REEP1: variants seen among roughly 807,000 people sequenced by gnomAD.
REEP1 encodes receptor expression-enhancing protein 1.
Under a neutral mutation model 40.3 loss-of-function variants are expected in REEP1, and 22 were observed. That is an observed-to-expected ratio of 0.55 (90% CI 0.39 to 0.78). REEP1 has a LOEUF of 0.78. REEP1 is among the 30% of genes least tolerant of loss of function. The probability of loss-of-function intolerance (pLI) is 0.00; values close to 1 mark genes in which losing one functional copy is unlikely to be tolerated. For missense variants in REEP1, 280 were observed against 361.1 expected, an observed-to-expected ratio of 0.78 and a Z score of 1.82; for synonymous variants, 116 against 139.2, an observed-to-expected ratio of 0.83 and a Z score of 1.17.
intron 1 of REEP1, among the ~76,000 whole-genome samples, chr2:86,312,889 C>T (rs1368475956): frequency 1.3e-5 from 2 of 152,144 alleles, no homozygotes; most frequent in Non-Finnish European, 2.9e-5. Context: ...AGGCACAGAT[C>T]CTGTGTTCCT....
intron 1 of REEP1, among the ~76,000 whole-genome samples, chr2:86,329,784 C>T (rs1680679782): frequency 6.6e-6 from 1 of 152,122 alleles, no homozygotes; most frequent in African/African-American, 2.4e-5. Flanking sequence ...ACTCATTCAC[C>T]ACCCAACACG....
intron 5 of REEP1, among the ~76,000 whole-genome samples, chr2:86,243,117 C>T (rs1053602738): frequency 2.0e-5 from 3 of 151,682 alleles, no homozygotes; most frequent in Admixed American, 1.3e-4. Context: ...CAGGTGACAG[C>T]GGAAGGTGAG....
Position 86,331,295 on chromosome 2 carries a change from T to C in REEP1, c.32+6184A>G, listed in dbSNP as rs145628848. Reference sequence around the variant, plus strand: ...GGTCACCTGCCCACCTCTGGACCAATGTCTGTGCCCAGGGAAATGCATATC... The same window carrying C: ...GGTCACCTGCCCACCTCTGGACCAACGTCTGTGCCCAGGGAAATGCATATC... On this transcript the variant is annotated intron_variant, in intron 1 of 8. Coordinates refer to ENST00000538924, the MANE Select transcript of REEP1 (RefSeq NM_001371279.1). Among the ~76,000 whole-genome samples the C allele has an allele frequency of 1.5e-3, 235 of 152,282 alleles. 2 individuals are homozygous for C. The highest frequency in any genetic ancestry group is 5.5e-3 in the African/African-American group (229 of 41,550).
At chr2:86,329,800 G>A (rs1313236498) in intron 1 of REEP1, among the ~76,000 whole-genome samples, 10 of 152,252 alleles carry the variant, frequency 6.6e-5, no homozygotes, top group Non-Finnish European at 1.0e-4. Context: ...ACACGCACTC[G>A]CTGGGCACCT....
intron 3 of REEP1, among the ~76,000 whole-genome samples, chr2:86,261,667 T>G (rs907000502): frequency 1.3e-5 from 2 of 152,146 alleles, no homozygotes; most frequent in African/African-American, 4.8e-5. Flanking sequence ...TAGTCTGAAA[T>G]ATGGCCTCAT....
intron 2 of REEP1, among the ~76,000 whole-genome samples, chr2:86,281,543 T>C (rs1193269076): frequency 6.6e-6 from 1 of 151,970 alleles, no homozygotes; most frequent in Admixed American, 6.6e-5. Context: ...CTGGAGAATC[T>C]CTTGAACCCG....
chr2:86,239,811 T>C (rs997968756), intron 5 of REEP1: 1 of 152,208 alleles, frequency 6.6e-6, no homozygotes, highest in Non-Finnish European at 1.5e-5. Context: ...TGCTACCAAA[T>C]TCACACCATA....
At chr2:86,223,784 G>C (rs748306133) in intron 7 of REEP1, 3 of 151,808 alleles carry the variant, frequency 2.0e-5, no homozygotes, top group Non-Finnish European at 4.4e-5. Flanking sequence ...AAGGATGACT[G>C]CTTTTAAAAA....
At chr2:86,282,484 G>A (rs1458688876) in intron 1 of REEP1, among the ~76,000 whole-genome samples, 3 of 152,054 alleles carry the variant, frequency 2.0e-5, no homozygotes, top group Admixed American at 6.6e-5. Flanking sequence ...AACATGGAAG[G>A]GTGGTTGGGG....
At chr2:86,239,506 A>G (rs1675555670) in intron 5 of REEP1, among the ~76,000 whole-genome samples, 1 of 152,190 alleles carries the variant, frequency 6.6e-6, no homozygotes, top group Non-Finnish European at 1.5e-5. Flanking sequence ...GCACAACCGC[A>G]TTTCCCACCA....
At chr2:86,220,375 A>C (rs1295070461) in intron 7 of REEP1, among the ~76,000 whole-genome samples, 1 of 152,130 alleles carries the variant, frequency 6.6e-6, no homozygotes, top group East Asian at 1.9e-4. Context: ...GAATCTACTG[A>C]ATTCTGAGTA....
chr2:86,288,032 A>ATTTTTTTTTTTTTTATTTTTT (rs1558916457), intron 1 of REEP1, among the ~76,000 whole-genome samples: 8 of 149,754 alleles, frequency 5.3e-5, no homozygotes, highest in African/African-American at 2.0e-4. Context: ...TATTTTTATT[A>ATTTTTTTTTTTTTTATTTTTT]TTTTTTTGAG....
chr2:86,303,200 G>A (rs1408866989), intron 1 of REEP1, among the ~76,000 whole-genome samples: 1 of 145,690 alleles, frequency 6.9e-6, no homozygotes, highest in Non-Finnish European at 1.5e-5. Context: ...ACACCACGAT[G>A]CCCGGCTAAT....
intron 1 of REEP1, among the ~76,000 whole-genome samples, chr2:86,330,107 G>C (rs935236326): frequency 6.6e-6 from 1 of 152,112 alleles, no homozygotes; most frequent in Non-Finnish European, 1.5e-5. Context: ...CTTGACTCAC[G>C]AACAGAATAA....
At chr2:86,296,871 A>G (rs1049272027) in intron 1 of REEP1, among the ~76,000 whole-genome samples, 2 of 152,218 alleles carry the variant, frequency 1.3e-5, no homozygotes, top group Non-Finnish European at 2.9e-5. Context: ...AAAGAAAAAA[A>G]ATTAGATTGT....
chr2:86,331,788 G>A (rs1029994841), intron 1 of REEP1, among the ~76,000 whole-genome samples: 2 of 152,146 alleles, frequency 1.3e-5, no homozygotes, highest in Non-Finnish European at 2.9e-5. Context: ...TTTCTGATCA[G>A]GAATGAGCTA....
At chr2:86,252,175 G>A in intron 4 of REEP1, 105 bp from the exon 5 acceptor site, 1 of 827,922 alleles carries the variant, frequency 1.2e-6, no homozygotes, top group South Asian at 1.4e-5. Flanking sequence ...CCCAATCCTT[G>A]TTCTTGCTGG....
At chr2:86,232,931 G>A (rs1675111828) in intron 5 of REEP1, 129 bp from the exon 6 acceptor site, 4 of 908,110 alleles carry the variant, frequency 4.4e-6, no homozygotes, top group Non-Finnish European at 6.9e-6. Context: ...TGAGGCGCAG[G>A]TGCCCAGACA....
intron 7 of REEP1, among the ~76,000 whole-genome samples, chr2:86,221,120 GCT>G (rs1357426219): frequency 1.3e-5 from 2 of 152,168 alleles, no homozygotes; most frequent in Non-Finnish European, 2.9e-5. Context: ...GAGACACCCT[GCT>G]CCTAAGAACA....
Sources: allele counts gnomAD v4.1 joint callset (sites outside exome capture counted in the v4.1 genomes callset), GRCh38; gene constraint gnomAD v4.1.1; transcripts MANE v1.5; gene names NCBI Gene and HGNC (gene_info 2026-07-23, HGNC 2026-07-21).